NBEAL1: variants seen among roughly 807,000 people sequenced by gnomAD.
NBEAL1 encodes neurobeachin like 1, also known as neurobeachin-like protein 1.
In NBEAL1, 273 loss-of-function variants were observed where a neutral mutation model predicts 351.3. The observed-to-expected ratio is 0.78, with a 90% CI of 0.70 to 0.86. NBEAL1 has a LOEUF of 0.86. Among genes scored for constraint, NBEAL1 ranks in the 40% least tolerant of loss-of-function variants. The pLI is 0.00. For missense variants in NBEAL1, 2,961 were observed against 3,201.3 expected (o/e 0.92, Z 1.81); for synonymous variants, 1,050 against 1,086.4 (o/e 0.97, Z 0.66).
At chr2:203,131,112 A>G (rs1214027416) in intron 25 of NBEAL1, among the ~76,000 whole-genome samples, 1 of 152,260 alleles carries the variant, frequency 6.6e-6, no homozygotes, top group South Asian at 2.1e-4. Context: ...AAGAAACAAA[A>G]TTTTAAATTA....
In NBEAL1 at chr2:203,044,187, C is replaced by T. The variant is rs996292855; in HGVS notation, c.143+2331C>T. 6.6e-5 allele frequency among the ~76,000 whole-genome samples: 10 copies of T among 152,090 alleles called. No homozygotes were observed. In the East Asian group the frequency reaches 1.3e-3, roughly 20 times the overall value. ...GTGTACTAAAAAAAGACTAGTACTT[C>T]GTTATTTATAAATCCAGTTTCAGAT... On this transcript the variant is annotated intron_variant, in intron 3 of 55. Coordinates refer to ENST00000683969, the MANE Select transcript of NBEAL1 (RefSeq NM_001378026.1).
rs1358461863 is a variant in NBEAL1 at position 203,151,593 on chromosome 2, A to G, written c.5587+4A>G. The G allele has an allele frequency of 6.3e-7, 1 of 1,591,352 alleles. No homozygotes were observed. On this transcript the variant is annotated splice_donor_region_variant and intron_variant, in intron 35 of 55. Coordinates refer to ENST00000683969, the MANE Select transcript of NBEAL1 (RefSeq NM_001378026.1). ...AGTGCCTTGAGAGATAATCTGGGTG[A>G]GTTCCAATGACTGTTTAATTGTTTG...
rs1220891536 is a variant in NBEAL1 at position 203,062,195 on chromosome 2, GTC to G, written c.515+4748_515+4749del. The G allele has an allele frequency of 6.6e-6, 3 of 451,858 alleles. No individual in the cohort carries two copies. Among genetic ancestry groups the G allele is most frequent in the Non-Finnish European group, 1.3e-5 (3 of 225,172 alleles). The allele number at this position is 451,858 out of a possible 1,614,324, so 28.0% of individuals were successfully genotyped here. On this transcript the variant is annotated intron_variant, in intron 6 of 55. Coordinates refer to ENST00000683969, the MANE Select transcript of NBEAL1 (RefSeq NM_001378026.1). This position sits in a 1 kb window ranked among gnomAD's most constrained non-coding sequence, Gnocchi z 4.2. ...TGACTATTTTGTTTACCTTCACACA[GTC>G]TCTCTACCATATGACTTACATTTCT... is the stretch of plus-strand genomic sequence containing the variant.
intron 4 of NBEAL1, among the ~76,000 whole-genome samples, chr2:203,053,821 A>G (rs1364119486): frequency 6.6e-6 from 1 of 151,820 alleles, no homozygotes; most frequent in African/African-American, 2.4e-5. Context: ...TCTGGCAGGT[A>G]TCTGGTCTGC....
intron 10 of NBEAL1, among the ~76,000 whole-genome samples, chr2:203,087,071 TG>T (rs2061974819): frequency 6.6e-6 from 1 of 151,874 alleles, no homozygotes; most frequent in South Asian, 2.1e-4. Context: ...AACATTTACT[TG>T]TTTTCTCCTT....
At chr2:203,184,141 G>GA (rs894619853) in intron 44 of NBEAL1, among the ~76,000 whole-genome samples, 4 of 145,988 alleles carry the variant, frequency 2.7e-5, no homozygotes, top group East Asian at 2.1e-4. Context: ...AATGCCACTT[G>GA]AAAAAAAAGG....
intron 2 of NBEAL1, among the ~76,000 whole-genome samples, chr2:203,029,100 C>T (rs1189264027): frequency 6.6e-6 from 1 of 152,172 alleles, no homozygotes; most frequent in Non-Finnish European, 1.5e-5. Flanking sequence ...AGTCTCGTGC[C>T]TCAGTCTCCT....
chr2:203,104,726 T>G (rs1421524925), intron 12 of NBEAL1, among the ~76,000 whole-genome samples: 1 of 152,224 alleles, frequency 6.6e-6, no homozygotes, highest in African/African-American at 2.4e-5. Context: ...TCAGGATATC[T>G]TGTAAGGCAG....
At chr2:203,203,794 G>T (rs1307336757) in intron 51 of NBEAL1, among the ~76,000 whole-genome samples, 2 of 151,856 alleles carry the variant, frequency 1.3e-5, no homozygotes, top group African/African-American at 4.8e-5. Flanking sequence ...ATTGGATAAG[G>T]CTTTGTTTAC....
chr2:203,208,502 A>G, intron 51 of NBEAL1, 135 bp from the exon 52 acceptor site: 4 of 643,140 alleles, frequency 6.2e-6, no homozygotes, highest in Middle Eastern at 4.2e-4. Flanking sequence ...AATGAGTACT[A>G]TTATGAATAG....
chr2:203,162,171 G>GACACC, intron 36 of NBEAL1, among the ~76,000 whole-genome samples: 2 of 151,548 alleles, frequency 1.3e-5, no homozygotes. Context: ...TTACAGGTGT[G>GACACC]TGCCACTACG....
At position 203,054,915 on chromosome 2, in the gene NBEAL1, A is replaced by G. The variant is rs1242227246; in HGVS notation, c.306-1512A>G. Among the ~76,000 whole-genome samples, 3 of 152,100 alleles carry G rather than the reference A, an allele frequency of 2.0e-5. No homozygotes were observed. In the East Asian group the frequency reaches 5.8e-4, roughly 29 times the overall value. On this transcript the variant is annotated intron_variant, in intron 4 of 55. Coordinates refer to ENST00000683969, the MANE Select transcript of NBEAL1 (RefSeq NM_001378026.1). ...TTAAACCACAGCCTTAGAGACAGTCATTTTCAGGCTCTGAATTCTAGTTTT... is the reference window on the plus strand; with the variant it reads ...TTAAACCACAGCCTTAGAGACAGTCGTTTTCAGGCTCTGAATTCTAGTTTT...
At chr2:203,151,383 T>G in intron 34 of NBEAL1, 82 bp from the exon 35 acceptor site, 1 of 1,008,108 alleles carries the variant, frequency 9.9e-7, no homozygotes, top group Non-Finnish European at 1.4e-6. Flanking sequence ...AAATACTTGA[T>G]ACTTTTTTAC....
intron 8 of NBEAL1, among the ~76,000 whole-genome samples, chr2:203,081,261 C>G (rs979320574): frequency 1.3e-5 from 2 of 152,154 alleles, no homozygotes; most frequent in African/African-American, 2.4e-5. Context: ...TCTGGGCTTC[C>G]CATTGGCATA....
intron 44 of NBEAL1, among the ~76,000 whole-genome samples, chr2:203,186,337 A>G (rs2064896038): frequency 6.6e-6 from 1 of 152,248 alleles, no homozygotes; most frequent in Non-Finnish European, 1.5e-5. Context: ...TGAAGCCTGA[A>G]CTAAAGAGAG....
In NBEAL1 at chr2:203,210,826, T is replaced by C. The variant is rs376200544; in HGVS notation, c.7786-132T>C. On this transcript the variant is annotated intron_variant, in intron 53 of 55. Transcript: ENST00000683969. Reference sequence around the variant, plus strand: ...AATAATATTGTCTACACACTTGGTCTTTAAATATAGCCATATTTTTATCCT... The same window carrying C: ...AATAATATTGTCTACACACTTGGTCCTTAAATATAGCCATATTTTTATCCT... 3.0e-4 allele frequency: 149 copies of C among 494,786 alleles called. 1 individual carries two copies. The South Asian group carries it at 6.3e-3, about 21-fold the overall frequency. The allele number at this position is 494,786 out of a possible 1,614,324, so 30.6% of individuals were successfully genotyped here.
intron 10 of NBEAL1, among the ~76,000 whole-genome samples, chr2:203,096,306 A>G (rs1043266148): frequency 6.6e-6 from 1 of 152,344 alleles, no homozygotes; most frequent in East Asian, 1.9e-4. Context: ...TAAGCCTTAC[A>G]TATACTCTTC....
chr2:203,203,281 A>T (rs2105818326), intron 51 of NBEAL1, among the ~76,000 whole-genome samples: 2 of 150,650 alleles, frequency 1.3e-5, no homozygotes, highest in East Asian at 3.9e-4. Flanking sequence ...AACTGGGATT[A>T]CAGGCACGTG....
intron 24 of NBEAL1, among the ~76,000 whole-genome samples, chr2:203,128,684 G>A (rs556518312): frequency 2.6e-4 from 38 of 146,734 alleles, no homozygotes; most frequent in African/African-American, 4.3e-4. Context: ...TGCAACCTCC[G>A]CCTCCCAGGT....
Sources: allele counts gnomAD v4.1 joint callset (sites outside exome capture counted in the v4.1 genomes callset), GRCh38; gene constraint gnomAD v4.1.1; non-coding constraint Gnocchi (gnomAD v3.1); transcripts MANE v1.5; gene names NCBI Gene and HGNC (gene_info 2026-07-23, HGNC 2026-07-21).